Variants in AK5 observed in about 807,000 individuals in gnomAD.
AK5 encodes the protein adenylate kinase 5.
A neutral mutation model predicts 69.5 loss-of-function variants in AK5; 27 were observed. The ratio of observed to expected loss-of-function variants is 0.39; its 90% CI spans 0.29 to 0.54. AK5 has a LOEUF of 0.54. Among genes scored for constraint, AK5 ranks in the 20% least tolerant of loss-of-function variants. The pLI is 0.71. For synonymous variants in AK5, 260 were observed against 244.4 expected, an observed-to-expected ratio of 1.06 and a Z score of -0.60; for missense variants, 531 against 700.4, an observed-to-expected ratio of 0.76 and a Z score of 2.73.
chr1:77,547,858 T>G (rs1052197170), intron 13 of AK5, among the ~76,000 whole-genome samples: 2 of 152,180 alleles, frequency 1.3e-5, no homozygotes, highest in African/African-American at 4.8e-5. Context: ...GCTAGTCAGA[T>G]TTCAAGTGCC....
At chr1:77,512,726 G>A (rs1657420330) in intron 10 of AK5, among the ~76,000 whole-genome samples, 1 of 152,064 alleles carries the variant, frequency 6.6e-6, no homozygotes, top group South Asian at 2.1e-4. Flanking sequence ...TATGTTTATT[G>A]CGGCACTATT....
chr1:77,511,796 C>G (rs992963203), intron 10 of AK5, among the ~76,000 whole-genome samples: 1 of 152,042 alleles, frequency 6.6e-6, no homozygotes, highest in African/African-American at 2.4e-5. Context: ...TGAAGTAGGG[C>G]AAAGGATTCA....
intron 5 of AK5, among the ~76,000 whole-genome samples, chr1:77,336,022 G>A (rs188118530): frequency 2.7e-5 from 4 of 150,654 alleles, no homozygotes; most frequent in Admixed American, 2.0e-4. Flanking sequence ...ATTTATTTGT[G>A]TATTCATTGT....
At chr1:77,337,913 C>T (rs12072100) in intron 5 of AK5, among the ~76,000 whole-genome samples, 25,365 of 151,880 alleles carry the variant, frequency 0.17, 2,250 homozygotes, top group South Asian at 0.27. Flanking sequence ...CCTGTGCTTA[C>T]ACAGTGGCAA....
intron 6 of AK5, among the ~76,000 whole-genome samples, chr1:77,372,070 T>C (rs1647131816): frequency 1.3e-5 from 2 of 152,230 alleles, no homozygotes; most frequent in East Asian, 3.8e-4. Flanking sequence ...ACATGTGCTG[T>C]TAGCATGTCC....
At chr1:77,524,771 C>T (rs1181061999) in intron 12 of AK5, among the ~76,000 whole-genome samples, 1 of 152,140 alleles carries the variant, frequency 6.6e-6, no homozygotes, top group East Asian at 1.9e-4. Context: ...TCTATTTTTA[C>T]TTCTGTTGCC....
At chr1:77,466,260 C>T (rs568074899) in intron 8 of AK5, among the ~76,000 whole-genome samples, 9 of 152,174 alleles carry the variant, frequency 5.9e-5, no homozygotes, top group Non-Finnish European at 4.4e-5. Context: ...CTTTTCCTTC[C>T]CTTCTCCACT....
intron 5 of AK5, among the ~76,000 whole-genome samples, chr1:77,335,612 G>A (rs1013573846): frequency 6.6e-5 from 10 of 152,110 alleles, no homozygotes; most frequent in African/African-American, 2.2e-4. Flanking sequence ...AACAATTTAA[G>A]TATATTTTCC....
intron 13 of AK5, among the ~76,000 whole-genome samples, chr1:77,554,826 C>G (rs1464530762): frequency 6.7e-6 from 1 of 149,658 alleles, no homozygotes; most frequent in African/African-American, 2.5e-5. Flanking sequence ...CCATGTTAGC[C>G]GGGATGGTCT....
At position 77,409,358 on chromosome 1, in the gene AK5, A is replaced by G. The variant is rs1168853420; in HGVS notation, c.892-1623A>G. 2.6e-5 allele frequency among the ~76,000 whole-genome samples: 4 copies of G among 152,260 alleles called. No individual in the cohort carries two copies. The East Asian group carries it at 7.7e-4, about 29-fold the overall frequency. ...GCCGTACTGCTTTCCACAATGGTCAAACTAATTTACACTCCCACCAACACA... is the reference window on the plus strand; with the variant it reads ...GCCGTACTGCTTTCCACAATGGTCAGACTAATTTACACTCCCACCAACACA... On this transcript the variant is annotated intron_variant, in intron 6 of 13. Transcript: ENST00000354567.
At chr1:77,458,224 C>A (rs1160577387) in intron 8 of AK5, among the ~76,000 whole-genome samples, 1 of 151,958 alleles carries the variant, frequency 6.6e-6, no homozygotes, top group Non-Finnish European at 1.5e-5. Context: ...ACACTCCCTA[C>A]TTTATGGCTC....
chr1:77,486,521 C>G (rs1418784645), intron 10 of AK5, among the ~76,000 whole-genome samples, 169 bp downstream of exon 10: 1 of 151,906 alleles, frequency 6.6e-6, no homozygotes, highest in Non-Finnish European at 1.5e-5. Flanking sequence ...CAGTGAAACC[C>G]CATCTCTAGT....
chr1:77,444,436 TA>T, intron 8 of AK5, among the ~76,000 whole-genome samples: 1 of 50,218 alleles, frequency 2.0e-5, no homozygotes, highest in Admixed American at 3.3e-4. Context: ...AGTATAAATA[TA>T]TACTATATAT....
chr1:77,399,192 G>A (rs1000851586), intron 6 of AK5, among the ~76,000 whole-genome samples: 1 of 152,180 alleles, frequency 6.6e-6, no homozygotes, highest in African/African-American at 2.4e-5. Context: ...CTTGATATCT[G>A]CTCATGATCT....
chr1:77,304,930 G>T (rs1243094499), intron 5 of AK5, among the ~76,000 whole-genome samples: 1 of 152,098 alleles, frequency 6.6e-6, no homozygotes, highest in Non-Finnish European at 1.5e-5. Flanking sequence ...CTTCCTAGTG[G>T]TTGGACTATT....
intron 1 of AK5, among the ~76,000 whole-genome samples, chr1:77,285,095 T>C (rs1012955047): frequency 6.6e-6 from 1 of 152,200 alleles, no homozygotes; most frequent in Non-Finnish European, 1.5e-5. Flanking sequence ...TAGGAGTTTC[T>C]AGTTGAGTAA....
At chr1:77,505,879 G>A (rs1372227903) in intron 10 of AK5, among the ~76,000 whole-genome samples, 2 of 152,016 alleles carry the variant, frequency 1.3e-5, no homozygotes, top group African/African-American at 4.8e-5. Context: ...AACAGAGCAA[G>A]ACTCCATCTC....
intron 10 of AK5, among the ~76,000 whole-genome samples, chr1:77,516,470 T>C (rs1022835701): frequency 6.6e-6 from 1 of 152,112 alleles, no homozygotes; most frequent in African/African-American, 2.4e-5. Flanking sequence ...ATTAACTTGA[T>C]TGTGGTAATT....
intron 6 of AK5, among the ~76,000 whole-genome samples, chr1:77,343,311 C>T (rs1179722945): frequency 6.6e-6 from 1 of 152,158 alleles, no homozygotes; most frequent in African/African-American, 2.4e-5. Flanking sequence ...AGTTGAGAAA[C>T]TTCATGTTAG....
Sources: allele counts gnomAD v4.1 joint callset (sites outside exome capture counted in the v4.1 genomes callset), GRCh38; gene constraint gnomAD v4.1.1; transcripts MANE v1.5; gene names NCBI Gene and HGNC (gene_info 2026-07-23, HGNC 2026-07-21).